RFWD3: variants seen among roughly 807,000 people sequenced by gnomAD.
The protein encoded by RFWD3 is E3 ubiquitin-protein ligase RFWD3.
Under a neutral mutation model 87.7 loss-of-function variants are expected in RFWD3, and 65 were observed. That is an observed-to-expected ratio of 0.74 (90% CI 0.61 to 0.91). RFWD3 has a LOEUF of 0.91. Ranked by LOEUF, RFWD3 falls within the 40% of genes least tolerant of loss-of-function variation. RFWD3 has a pLI of 0.00. For synonymous variants in RFWD3, 433 were observed against 352.8 expected (o/e 1.23, Z -2.55); for missense variants, 1,078 against 938.5 (o/e 1.15, Z -1.94).
intron 4 of RFWD3, among the ~76,000 whole-genome samples, chr16:74,647,565 G>A (rs1457966145): frequency 6.6e-6 from 1 of 152,100 alleles, no homozygotes; most frequent in Non-Finnish European, 1.5e-5. Context: ...TGGGATTACA[G>A]GTGTGAGCCA....
intron 3 of RFWD3, 121 bp downstream of exon 3, chr16:74,651,799 A>C (rs374762013): frequency 1.3e-5 from 11 of 838,418 alleles, no homozygotes; most frequent in East Asian, 7.2e-5. Context: ...TAAAACAGGA[A>C]TCCACAACAT....
chr16:74,627,446 G>A, intron 11 of RFWD3, among the ~76,000 whole-genome samples: 1 of 151,904 alleles, frequency 6.6e-6, no homozygotes, highest in Non-Finnish European at 1.5e-5. Flanking sequence ...GTCCTGGATG[G>A]CTCCCCCTTC....
At chr16:74,633,847 G>A (rs566662822) in intron 8 of RFWD3, among the ~76,000 whole-genome samples, 115 of 152,072 alleles carry the variant, frequency 7.6e-4, no homozygotes, top group South Asian at 2.9e-3. Context: ...TTACTCAAGA[G>A]GCTGAGGTGG....
At chr16:74,648,983 G>A in intron 4 of RFWD3, 149 bp downstream of exon 4, 1 of 430,474 alleles carries the variant, frequency 2.3e-6, no homozygotes, top group South Asian at 3.0e-5. Context: ...TCAGGAGGCT[G>A]AAGTGGGAGG....
At chr16:74,634,711 G>C (rs1013926470) in intron 8 of RFWD3, among the ~76,000 whole-genome samples, 2 of 151,028 alleles carry the variant, frequency 1.3e-5, no homozygotes. Context: ...TTAAAAATAC[G>C]TCAAATCCTA....
chr16:74,633,828 T>C (rs1434544487), intron 8 of RFWD3, among the ~76,000 whole-genome samples: 1 of 151,944 alleles, frequency 6.6e-6, no homozygotes, highest in Non-Finnish European at 1.5e-5. Context: ...GGCGAGCCTG[T>C]AGTCCCAGTT....
chr16:74,640,749 C>A (rs897880494), intron 6 of RFWD3, among the ~76,000 whole-genome samples: 3 of 151,738 alleles, frequency 2.0e-5, no homozygotes, highest in East Asian at 4.0e-4. Context: ...ACCATCCTGG[C>A]CAAGATGGTG....
intron 1 of RFWD3, among the ~76,000 whole-genome samples, chr16:74,665,815 C>T (rs1431694591): frequency 2.0e-5 from 3 of 151,516 alleles, no homozygotes; most frequent in African/African-American, 7.3e-5. Flanking sequence ...GGCGTGATCT[C>T]AGCTCACTGC....
Position 74,655,707 on chromosome 16 carries a change from T to C in RFWD3, c.519-3585A>G, listed in dbSNP as rs570310257. 4.6e-5 allele frequency among the ~76,000 whole-genome samples: 7 copies of C among 151,930 alleles called. No individual in the cohort carries two copies. The South Asian group carries it at 1.5e-3, about 32-fold the overall frequency. ...CCTGGCTAATTTGTTGTATTTTTAG[T>C]GGAGACGGGGTTTCACCGTGTTAGC... On this transcript the variant is annotated intron_variant, in intron 2 of 12. Coordinates refer to ENST00000361070, the MANE Select transcript of RFWD3 (RefSeq NM_018124.4).
chr16:74,629,665 CA>C (rs75932415), intron 10 of RFWD3, among the ~76,000 whole-genome samples: 18,779 of 143,432 alleles, frequency 0.13, 1,396 homozygotes, highest in Admixed American at 0.24. Context: ...CTACCACCAA[CA>C]AAAAAAAAAA....
chr16:74,637,273 G>A (rs1360587360), intron 7 of RFWD3, among the ~76,000 whole-genome samples: 1 of 152,110 alleles, frequency 6.6e-6, no homozygotes, highest in Non-Finnish European at 1.5e-5. Flanking sequence ...GTAGATTTAG[G>A]AAGGTAAAAT....
chr16:74,656,372 G>A (rs989458983), intron 2 of RFWD3, among the ~76,000 whole-genome samples: 14 of 151,548 alleles, frequency 9.2e-5, no homozygotes, highest in African/African-American at 3.4e-4. Context: ...TTAGCTGTGG[G>A]GAAAAGCTTT....
At chr16:74,648,640 C>T (rs536002684) in intron 4 of RFWD3, among the ~76,000 whole-genome samples, 24 of 151,650 alleles carry the variant, frequency 1.6e-4, no homozygotes, top group African/African-American at 5.8e-4. Flanking sequence ...GGCGGGGTGG[C>T]GTGTGCCTGT....
intron 2 of RFWD3, among the ~76,000 whole-genome samples, chr16:74,655,259 A>C (rs1258059668): frequency 6.6e-6 from 1 of 150,718 alleles, no homozygotes; most frequent in Non-Finnish European, 1.5e-5. Context: ...TTTTTTTTTG[A>C]GACAGAGTCT....
rs901320922 is a variant in RFWD3, at chr16:74,621,672, G to A, written c.*2256C>T. ...TGTGATGTCCTACAACGGGGACTGGGAATGGCATCAGGGTTTTTTTTTGTT... is the reference window on the plus strand; with the variant it reads ...TGTGATGTCCTACAACGGGGACTGGAAATGGCATCAGGGTTTTTTTTTGTT... On this transcript the variant is annotated 3_prime_UTR_variant, in exon 13 of 13. Coordinates refer to ENST00000361070, the MANE Select transcript of RFWD3 (RefSeq NM_018124.4). The A allele has an allele frequency of 6.8e-6, 1 of 146,440 alleles. No individual in the cohort carries two copies. Among genetic ancestry groups the A allele is most frequent in the Non-Finnish European group, 1.5e-5 (1 of 67,504 alleles). The allele number at this position is 146,440 out of a possible 1,614,324, so 9.1% of individuals were successfully genotyped here. A position where few individuals can be genotyped will look rare whatever the true frequency, so the allele number is the denominator to read the frequency against.
At chr16:74,648,499 A>G in intron 4 of RFWD3, among the ~76,000 whole-genome samples, 1 of 149,030 alleles carries the variant, frequency 6.7e-6, no homozygotes, top group East Asian at 2.1e-4. Flanking sequence ...GAGGCCAGGA[A>G]CGGTGGCTCA....
chr16:74,663,098 G>A (rs953428856), intron 1 of RFWD3, among the ~76,000 whole-genome samples: 2 of 152,018 alleles, frequency 1.3e-5, no homozygotes, highest in Non-Finnish European at 2.9e-5. Flanking sequence ...TACAGCCGGG[G>A]TTTCACTGTG....
intron 11 of RFWD3, 145 bp from the exon 12 acceptor site, chr16:74,626,699 A>G (rs1958946323): frequency 3.2e-6 from 2 of 633,818 alleles, no homozygotes; most frequent in African/African-American, 3.7e-5. Flanking sequence ...AAAACAAATG[A>G]AAGAACAATA....
At chr16:74,634,761 G>A (rs953542535) in intron 8 of RFWD3, among the ~76,000 whole-genome samples, 7 of 151,380 alleles carry the variant, frequency 4.6e-5, no homozygotes, top group Non-Finnish European at 8.8e-5. Flanking sequence ...AACCAAGCAC[G>A]TGGCTTACTG....
Sources: gnomAD v4.1 joint callset for allele counts (sites outside exome capture counted in the v4.1 genomes callset) on GRCh38, gnomAD v4.1.1 for gene constraint, MANE v1.5 for transcripts, NCBI Gene and HGNC (gene_info 2026-07-23, HGNC 2026-07-21) for gene names.